Variants in L3MBTL4 observed in about 807,000 individuals in gnomAD.
L3MBTL4 encodes the protein L3MBTL histone methyl-lysine binding protein 4, also known as lethal(3)malignant brain tumor-like protein 4.
L3MBTL4 carries 70 observed loss-of-function variants against 84.5 expected under a neutral mutation model. The ratio of observed to expected loss-of-function variants is 0.83; its 90% CI spans 0.68 to 1.01. The LOEUF (loss-of-function observed/expected upper bound fraction) is 1.01. Ranked by LOEUF, L3MBTL4 falls within the 50% of genes least tolerant of loss-of-function variation. The pLI, the probability that L3MBTL4 is intolerant of heterozygous loss-of-function variation, is 0.00. For missense variants in L3MBTL4, 715 were observed against 754.8 expected (o/e 0.95, Z 0.62); for synonymous variants, 274 against 259.8 (o/e 1.05, Z -0.52).
At chr18:6,392,155 C>T (rs1389478662) in intron 1 of L3MBTL4, among the ~76,000 whole-genome samples, 1 of 152,152 alleles carries the variant, frequency 6.6e-6, no homozygotes, top group Non-Finnish European at 1.5e-5. Flanking sequence ...AAAGTAGGCA[C>T]ACAAACCAAT....
chr18:6,124,110 G>A (rs2059612441), intron 14 of L3MBTL4, among the ~76,000 whole-genome samples: 1 of 152,192 alleles, frequency 6.6e-6, no homozygotes, highest in South Asian at 2.1e-4. Flanking sequence ...AGGGATGAGA[G>A]ATCAAACTAG....
At chr18:6,346,924 C>T (rs1364602939) in intron 1 of L3MBTL4, among the ~76,000 whole-genome samples, 1 of 152,104 alleles carries the variant, frequency 6.6e-6, no homozygotes, top group Non-Finnish European at 1.5e-5. Flanking sequence ...TGGAAACAAC[C>T]TAAATTTCTA....
chr18:6,231,504 A>G (rs1257615964), intron 10 of L3MBTL4, among the ~76,000 whole-genome samples: 1 of 152,152 alleles, frequency 6.6e-6, no homozygotes, highest in Non-Finnish European at 1.5e-5. Flanking sequence ...GAAGTCTGGC[A>G]ATGGGATGCC....
intron 16 of L3MBTL4, among the ~76,000 whole-genome samples, chr18:5,970,140 AGC>A (rs2144806874): frequency 6.6e-6 from 1 of 152,384 alleles, no homozygotes; most frequent in South Asian, 2.1e-4. Flanking sequence ...GATCCCCAGC[AGC>A]GCACCATGAC....
chr18:6,208,092 G>A (rs1192840728), intron 12 of L3MBTL4, among the ~76,000 whole-genome samples: 1 of 151,470 alleles, frequency 6.6e-6, no homozygotes, highest in Admixed American at 6.6e-5. Flanking sequence ...TTTAGCCTAG[G>A]CGACAAAACA....
intron 13 of L3MBTL4, among the ~76,000 whole-genome samples, chr18:6,157,692 T>A (rs536828579): frequency 6.6e-6 from 1 of 152,340 alleles, no homozygotes; most frequent in Admixed American, 6.5e-5. Context: ...AAATTAGCAA[T>A]GTTCTCAAAG....
At chr18:6,076,791 G>A (rs1327279932) in intron 16 of L3MBTL4, among the ~76,000 whole-genome samples, 2 of 151,958 alleles carry the variant, frequency 1.3e-5, no homozygotes, top group African/African-American at 2.4e-5. Context: ...TTTAGAAAAT[G>A]AGCATTAATT....
At chr18:6,164,428 C>T (rs577951934) in intron 13 of L3MBTL4, among the ~76,000 whole-genome samples, 1 of 152,328 alleles carries the variant, frequency 6.6e-6, no homozygotes, top group Admixed American at 6.5e-5. Flanking sequence ...GGAGGCACCC[C>T]CCGCTAGGGG....
At position 5,998,475 on chromosome 18, in the gene L3MBTL4, G is replaced by C. The variant is rs58009891; in HGVS notation, c.1445-28913C>G. Among the ~76,000 whole-genome samples the C allele has an allele frequency of 5.5e-3, 842 of 152,280 alleles. 18 individuals carry two copies. Among genetic ancestry groups the C allele is most frequent in the East Asian group, 0.021 (107 of 5,168 alleles). Reference sequence around the variant, plus strand: ...CCTGGAGGGGCCCTTCAGGAAGGCTGTCTGCTTGCTCAGGCTGAGGGTGGG... The same window carrying C: ...CCTGGAGGGGCCCTTCAGGAAGGCTCTCTGCTTGCTCAGGCTGAGGGTGGG... On this transcript the variant is annotated intron_variant, in intron 16 of 18. Transcript: ENST00000317931.
intron 16 of L3MBTL4, among the ~76,000 whole-genome samples, chr18:6,041,029 T>A (rs539210307): frequency 6.6e-6 from 1 of 152,216 alleles, no homozygotes; most frequent in Non-Finnish European, 1.5e-5. Context: ...GAAATAGCAG[T>A]GGCTGACACT....
intron 16 of L3MBTL4, among the ~76,000 whole-genome samples, chr18:5,976,019 A>G (rs1303249324): frequency 6.6e-6 from 1 of 152,232 alleles, no homozygotes; most frequent in East Asian, 1.9e-4. Context: ...AGCACACAAG[A>G]GTCAGAGATT....
At chr18:5,984,726 T>C (rs529458439) in intron 16 of L3MBTL4, among the ~76,000 whole-genome samples, 1 of 152,358 alleles carries the variant, frequency 6.6e-6, no homozygotes, top group South Asian at 2.1e-4. Context: ...AGAAAATTAA[T>C]TGATACGCTA....
At chr18:5,973,731 T>A (rs1429620998) in intron 16 of L3MBTL4, among the ~76,000 whole-genome samples, 2 of 152,144 alleles carry the variant, frequency 1.3e-5, no homozygotes, top group African/African-American at 4.8e-5. Flanking sequence ...GATAAGGATG[T>A]TTGCCACAAT....
intron 4 of L3MBTL4, among the ~76,000 whole-genome samples, chr18:6,282,331 A>C (rs191574239): frequency 1.8e-4 from 27 of 152,366 alleles, no homozygotes; most frequent in Non-Finnish European, 2.6e-4. Context: ...CCATGAGAGC[A>C]CAGAATAGGA....
At chr18:6,359,843 G>C (rs545257471) in intron 1 of L3MBTL4, among the ~76,000 whole-genome samples, 1 of 152,020 alleles carries the variant, frequency 6.6e-6, no homozygotes, top group Non-Finnish European at 1.5e-5. Flanking sequence ...ATTCCTCCTA[G>C]TGTGGGGGGC....
At chr18:6,390,669 A>G (rs1916547951) in intron 1 of L3MBTL4, among the ~76,000 whole-genome samples, 1 of 152,320 alleles carries the variant, frequency 6.6e-6, no homozygotes, top group Non-Finnish European at 1.5e-5. Context: ...CCACAGAAAT[A>G]CAAAAAATCC....
intron 1 of L3MBTL4, among the ~76,000 whole-genome samples, chr18:6,321,839 C>T (rs2051420453): frequency 6.6e-6 from 1 of 151,852 alleles, no homozygotes; most frequent in African/African-American, 2.4e-5. Flanking sequence ...TAAGTGGTAG[C>T]CAAGCTATGG....
chr18:6,125,743 A>T (rs2059673854), intron 14 of L3MBTL4, among the ~76,000 whole-genome samples: 1 of 152,236 alleles, frequency 6.6e-6, no homozygotes, highest in South Asian at 2.1e-4. Flanking sequence ...TTTTTAAGAC[A>T]GTTATATATG....
chr18:5,996,529 T>C (rs1200398169), intron 16 of L3MBTL4, among the ~76,000 whole-genome samples: 1 of 152,216 alleles, frequency 6.6e-6, no homozygotes, highest in African/African-American at 2.4e-5. Flanking sequence ...TGCAGCACTC[T>C]AGCAGCTGTG....
Sources: allele counts gnomAD v4.1 joint callset (sites outside exome capture counted in the v4.1 genomes callset), GRCh38; gene constraint gnomAD v4.1.1; transcripts MANE v1.5; gene names NCBI Gene and HGNC (gene_info 2026-07-23, HGNC 2026-07-21).